Variants in PIEZO2 observed in about 807,000 individuals in gnomAD.
The protein encoded by PIEZO2 is piezo-type mechanosensitive ion channel component 2.
In PIEZO2, 172 loss-of-function variants were observed where a neutral mutation model predicts 337.3. The observed-to-expected ratio is 0.51, with a 90% CI of 0.45 to 0.58. The LOEUF (loss-of-function observed/expected upper bound fraction) is 0.58. Ranked by LOEUF, PIEZO2 falls within the 20% of genes least tolerant of loss-of-function variation. The probability of loss-of-function intolerance (pLI) is 0.00; values close to 1 mark genes in which losing one functional copy is unlikely to be tolerated. For synonymous variants in PIEZO2, 1,251 were observed against 1,228.5 expected, an observed-to-expected ratio of 1.02 and a Z score of -0.38; for missense variants, 3,028 against 3,391.3, an observed-to-expected ratio of 0.89 and a Z score of 2.66.
At chr18:10,841,069 A>G (rs2041175513) in intron 7 of PIEZO2, among the ~76,000 whole-genome samples, 1 of 152,140 alleles carries the variant, frequency 6.6e-6, no homozygotes, top group Non-Finnish European at 1.5e-5. Flanking sequence ...CTTTTGGCAT[A>G]ACAACAATAA....
intron 3 of PIEZO2, among the ~76,000 whole-genome samples, chr18:10,933,773 C>A (rs2032221702): frequency 6.6e-6 from 1 of 152,052 alleles, no homozygotes; most frequent in African/African-American, 2.4e-5. Flanking sequence ...AAGGTCAGGG[C>A]CAGGTGGAGA....
At position 11,129,812 on chromosome 18, in the gene PIEZO2, C is replaced by T. The variant is rs999990879; in HGVS notation, c.64+18713G>A. On this transcript the variant is annotated intron_variant, in intron 1 of 55. Coordinates refer to ENST00000674853, the MANE Select transcript of PIEZO2 (RefSeq NM_001378183.1). This position sits in a 1 kb window ranked among gnomAD's most constrained non-coding sequence, Gnocchi z 4.6. ...GGATCCAGGGGACCCAAAATGTCAT[C>T]GTGGTACTTCAGTTAAAGTAGGGGC... Among the ~76,000 whole-genome samples the T allele has an allele frequency of 6.6e-5, 10 of 152,226 alleles. No homozygotes were observed. Among genetic ancestry groups the T allele is most frequent in the South Asian group, 4.2e-4 (2 of 4,818 alleles).
Position 11,106,042 on chromosome 18 carries a change from A to G in PIEZO2, c.65-39820T>C, listed in dbSNP as rs149417366. On this transcript the variant is annotated intron_variant, in intron 1 of 55. Transcript: ENST00000674853. ...TGGCCATTGTTCTCTTAAGATAACT[A>G]AAAATGCTACACTATGCTGAAACCC... Among the ~76,000 whole-genome samples, 485 of 152,304 alleles carry G rather than the reference A, an allele frequency of 3.2e-3. 1 individual carries two copies. The highest frequency in any genetic ancestry group is 4.8e-3 in the Non-Finnish European group (324 of 68,028).
chr18:10,772,632 AG>A (rs1311329396), intron 20 of PIEZO2, among the ~76,000 whole-genome samples: 1 of 152,216 alleles, frequency 6.6e-6, no homozygotes, highest in Non-Finnish European at 1.5e-5. Flanking sequence ...ACAGTTGACC[AG>A]CAAAGACAAG....
intron 36 of PIEZO2, among the ~76,000 whole-genome samples, chr18:10,719,928 G>A (rs1165987556): frequency 6.6e-6 from 1 of 152,002 alleles, no homozygotes; most frequent in East Asian, 1.9e-4. Flanking sequence ...AATCAGGTTA[G>A]GAGACACAAA....
At chr18:10,798,561 T>C (rs1332359291) in intron 11 of PIEZO2, among the ~76,000 whole-genome samples, 1 of 152,234 alleles carries the variant, frequency 6.6e-6, no homozygotes, top group African/African-American at 2.4e-5. Flanking sequence ...GCCATGCTGC[T>C]TCTCTGGTTA....
At chr18:10,697,348 C>T (rs188062596) in intron 45 of PIEZO2, among the ~76,000 whole-genome samples, 28 of 152,264 alleles carry the variant, frequency 1.8e-4, no homozygotes, top group Admixed American at 1.2e-3. Flanking sequence ...GGTGTATGAC[C>T]ATGGACAAAG....
Position 10,895,826 on chromosome 18 carries a change from A to C in PIEZO2, c.329+15360T>G, listed in dbSNP as rs912184520. Among the ~76,000 whole-genome samples, 1 of 152,082 alleles carries C rather than the reference A, an allele frequency of 6.6e-6. No homozygotes were observed. Among genetic ancestry groups the C allele is most frequent in the African/African-American group, 2.4e-5 (1 of 41,412 alleles). ...GTAATCCCAGCACTTTGGGAGGCTG[A>C]GGTGGGCAGATCACCTGAGGTCAGG... On this transcript the variant is annotated intron_variant, in intron 4 of 55. Transcript: ENST00000674853. This position sits in a 1 kb window ranked among gnomAD's most constrained non-coding sequence, Gnocchi z 4.8.
intron 32 of PIEZO2, 92 bp from the exon 33 acceptor site, chr18:10,741,194 G>A: frequency 1.7e-6 from 2 of 1,186,332 alleles, no homozygotes; most frequent in Middle Eastern, 2.1e-4. Flanking sequence ...TCAAATCTAG[G>A]TAAATTGCAA....
intron 31 of PIEZO2, 67 bp from the exon 32 acceptor site, chr18:10,742,682 G>A: frequency 6.7e-7 from 1 of 1,494,574 alleles, no homozygotes; most frequent in Non-Finnish European, 9.0e-7. Flanking sequence ...TCAGTACTTT[G>A]GACTTATGCT....
In PIEZO2 at chr18:10,894,304, A is replaced by G. The variant is rs113368023; in HGVS notation, c.329+16882T>C. 0.07 allele frequency among the ~76,000 whole-genome samples: 10,699 copies of G among 152,086 alleles called. 385 individuals carry two copies. The highest frequency in any genetic ancestry group is 0.078 in the African/African-American group (3,251 of 41,450). On this transcript the variant is annotated intron_variant, in intron 4 of 55. Transcript: ENST00000674853. The surrounding 1 kb of genome is among the most constrained non-coding windows in gnomAD (Gnocchi z 4.1). The stretch of plus-strand genomic sequence containing the variant: ...CCCTCTGTACTAAAAATACAAAAAA[A>G]ACAGCCAGGCGTGGTGGTGGACGCC...
At position 11,104,713 on chromosome 18, in the gene PIEZO2, A is replaced by T. The variant is rs1397709014; in HGVS notation, c.65-38491T>A. Among the ~76,000 whole-genome samples, 1 of 152,242 alleles carries T rather than the reference A, an allele frequency of 6.6e-6. No homozygotes were observed. Among genetic ancestry groups the T allele is most frequent in the East Asian group, 1.9e-4 (1 of 5,194 alleles). On this transcript the variant is annotated intron_variant, in intron 1 of 55. Transcript: ENST00000674853. This position sits in a 1 kb window ranked among gnomAD's most constrained non-coding sequence, Gnocchi z 4.6. ...CTGAGCCAAGATGCCATGAACATGC[A>T]GGGCAGGCAAGAAATTAACCTTTGT...
Position 11,084,403 on chromosome 18 carries a change from C to G in PIEZO2, c.65-18181G>C, listed in dbSNP as rs12457599. On this transcript the variant is annotated intron_variant, in intron 1 of 55. Coordinates refer to ENST00000674853, the MANE Select transcript of PIEZO2 (RefSeq NM_001378183.1). ...AGTTCCAGTACAGTCCTGTGAAGTA[C>G]GAACTGGCATCATTCTTCTTTCAGG... 1.7e-3 allele frequency among the ~76,000 whole-genome samples: 266 copies of G among 152,190 alleles called. 2 individuals are homozygous for G. The highest frequency in any genetic ancestry group is 3.4e-3 in the Middle Eastern group (1 of 294).
In PIEZO2 at chr18:11,028,715, G is replaced by C. The variant is rs2036625768; in HGVS notation, c.160+37412C>G. ...AGATAGATCCTCACATATTCTGGAA[G>C]GAGAAGAAAGTGAGAATCTGATCAG... On this transcript the variant is annotated intron_variant, in intron 2 of 55. Transcript: ENST00000674853. The surrounding 1 kb of genome is among the most constrained non-coding windows in gnomAD (Gnocchi z 4.8). Among the ~76,000 whole-genome samples, 1 of 152,216 alleles carries C rather than the reference G, an allele frequency of 6.6e-6. No homozygotes were observed. The highest frequency in any genetic ancestry group is 2.1e-4 in the South Asian group (1 of 4,834).
intron 1 of PIEZO2, among the ~76,000 whole-genome samples, chr18:11,067,237 A>G (rs1598908547): frequency 6.6e-6 from 1 of 152,338 alleles, no homozygotes; most frequent in East Asian, 1.9e-4. Context: ...CCCAGACTTC[A>G]CTACTAGGCA....
chr18:10,684,458 C>T (rs1419006451), intron 49 of PIEZO2, among the ~76,000 whole-genome samples: 5 of 70,388 alleles, frequency 7.1e-5, no homozygotes, highest in Non-Finnish European at 1.4e-4. Flanking sequence ...AACCACTGCG[C>T]CCGGCCTGTT....
chr18:11,072,427 T>A (rs1025124913), intron 1 of PIEZO2, among the ~76,000 whole-genome samples: 6 of 152,110 alleles, frequency 3.9e-5, no homozygotes, highest in African/African-American at 1.4e-4. Flanking sequence ...TTAATGTTAA[T>A]CCATGTTGGA....
chr18:10,812,807 G>T (rs1464092372), intron 7 of PIEZO2, among the ~76,000 whole-genome samples: 1 of 152,042 alleles, frequency 6.6e-6, no homozygotes, highest in Non-Finnish European at 1.5e-5. Context: ...GCACATGTTG[G>T]CAGATTTATA....
chr18:10,950,114 C>G (rs1160941659), intron 3 of PIEZO2, among the ~76,000 whole-genome samples: 4 of 152,014 alleles, frequency 2.6e-5, no homozygotes, highest in African/African-American at 9.7e-5. Context: ...TTGGCAGTAC[C>G]CTATATATTT....
Sources: allele counts gnomAD v4.1 joint callset (sites outside exome capture counted in the v4.1 genomes callset), GRCh38; gene constraint gnomAD v4.1.1; non-coding constraint Gnocchi (gnomAD v3.1); transcripts MANE v1.5; gene names NCBI Gene and HGNC (gene_info 2026-07-23, HGNC 2026-07-21).